ZFYVE27: variants seen among roughly 807,000 people sequenced by gnomAD.
ZFYVE27 encodes protrudin.
In ZFYVE27, 36 loss-of-function variants were observed where a neutral mutation model predicts 52.8. The observed-to-expected ratio is 0.68, with a 90% CI of 0.52 to 0.90. The LOEUF is 0.90. Among genes scored for constraint, ZFYVE27 ranks in the 40% least tolerant of loss-of-function variants. The pLI is 0.00. For missense variants in ZFYVE27, 450 were observed against 527.2 expected (o/e 0.85, Z 1.43); for synonymous variants, 223 against 215.6 (o/e 1.03, Z -0.30).
At position 97,738,503 on chromosome 10, in the gene ZFYVE27, G is replaced by A. The variant is rs763939833; in HGVS notation, c.26G>A (p.Ser9Asn). Residue 9 changes from serine to asparagine, a missense_variant, in exon 2 of 13, where the codon AGT becomes AAT. Physicochemically the swap from Ser to Asn is conservative, Grantham distance 46. Transcript: ENST00000684270. ...ATGCAGACATCAGAACGTGAGGGGA[G>A]TGGGCCGGAGCTGAGCCCCAGCGTG... is the stretch of plus-strand genomic sequence containing the variant. The part of the protein sequence containing the change: MQTSEREG[S>N]GPELSPSVMP... 2.5e-6 allele frequency: 4 copies of A among 1,614,172 alleles called. No individual in the cohort carries two copies. The highest frequency in any genetic ancestry group is 3.4e-6 in the Non-Finnish European group (4 of 1,180,044).
chr10:97,753,000 C>G, intron 9 of ZFYVE27, 38 bp from the exon 10 acceptor site: 1 of 1,612,924 alleles, frequency 6.2e-7, no homozygotes, highest in Non-Finnish European at 8.5e-7. Flanking sequence ...TGCAGCCTTG[C>G]AAGAGGTGGG....
chr10:97,751,839 C>T (rs1489392196), intron 8 of ZFYVE27, among the ~76,000 whole-genome samples: 2 of 152,092 alleles, frequency 1.3e-5, no homozygotes, highest in African/African-American at 2.4e-5. Flanking sequence ...TGTCCCTTTG[C>T]GGGGCTGGGA....
intron 12 of ZFYVE27, among the ~76,000 whole-genome samples, chr10:97,758,788 T>C (rs1214542614): frequency 1.3e-5 from 2 of 151,704 alleles, no homozygotes. Flanking sequence ...ATTTTACTTA[T>C]TCTGTTTTTT....
At chr10:97,745,021 TTAC>T in intron 4 of ZFYVE27, 106 bp downstream of exon 4, 2 of 1,303,438 alleles carry the variant, frequency 1.5e-6, no homozygotes, top group Non-Finnish European at 2.1e-6. Flanking sequence ...ACCACAGCTG[TTAC>T]TTCATTTAAC....
At chr10:97,748,237 C>G (rs1295295146) in intron 4 of ZFYVE27, 32 bp from the exon 5 acceptor site, 1 of 1,608,744 alleles carries the variant, frequency 6.2e-7, no homozygotes, top group Admixed American at 1.7e-5. Context: ...GGCTTCTGTC[C>G]TGCCCACTCA....
In ZFYVE27 at chr10:97,759,053, C is replaced by T. The variant is rs1981238; in HGVS notation, c.1172-183C>T. 0.64 allele frequency among the ~76,000 whole-genome samples: 96,877 copies of T among 151,952 alleles called. 32,912 individuals are homozygous for T. The highest frequency in any genetic ancestry group is 0.77 in the Non-Finnish European group (52,095 of 67,976). On this transcript the variant is annotated intron_variant, in intron 12 of 12. Transcript: ENST00000684270. Reference sequence around the variant, plus strand: ...GAGTGGCCTGCTGTTGGCATCATCACCCCCAGGATCCCCAGTTCCCATGGA... The same window carrying T: ...GAGTGGCCTGCTGTTGGCATCATCATCCCCAGGATCCCCAGTTCCCATGGA...
At chr10:97,755,314 G>T (rs2136317402) in intron 10 of ZFYVE27, among the ~76,000 whole-genome samples, 1 of 152,344 alleles carries the variant, frequency 6.6e-6, no homozygotes, top group Middle Eastern at 3.4e-3. Context: ...AGGGCGAGGG[G>T]AGCTGCTTTG....
rs2042745493 is a variant in ZFYVE27 at position 97,738,660 on chromosome 10, T to G, written c.183T>G (p.Val61=). 2 of 1,614,216 alleles carry G rather than the reference T, an allele frequency of 1.2e-6. No homozygotes were observed. Among genetic ancestry groups the G allele is most frequent in the Middle Eastern group, 3.3e-4 (2 of 6,062 alleles). Residue 61 remains valine, a synonymous_variant, in exon 2 of 13, where the codon GTT becomes GTG. Coordinates refer to ENST00000684270, the MANE Select transcript of ZFYVE27 (RefSeq NM_001385875.1). ...CCTTGAAGGATGCAGGTGATGGTGT[T>G]CGATACTTGCTCAGGTACAGACTTT... ...LEPLKDAGDG[V]RYLLRWQMPL... is the part of the protein sequence containing the mutation.
chr10:97,746,048 TATA>T (rs138508568), intron 4 of ZFYVE27, among the ~76,000 whole-genome samples: 57,231 of 109,986 alleles, frequency 0.52, 13,857 homozygotes, highest in Middle Eastern at 0.62. Context: ...TATATATATA[TATA>T]TTTTTTTTTT....
chr10:97,753,060 G>C lies in ZFYVE27; in HGVS notation c.920G>C (p.Cys307Ser). Residue 307 changes from cysteine (C) to serine (S), a missense_variant, in exon 10 of 13, where the codon TGC (cysteine) becomes TCC (serine). By Grantham distance (112) the Cys-to-Ser change is moderately radical. Coordinates refer to ENST00000684270, the MANE Select transcript of ZFYVE27 (RefSeq NM_001385875.1). Reference sequence around the variant, plus strand: ...CAGGAGGATGATGAGGGCGCCCCGTGCCCAGCAGAGGATGAGCTGGCCCTG... The same window carrying C: ...CAGGAGGATGATGAGGGCGCCCCGTCCCCAGCAGAGGATGAGCTGGCCCTG... ...VVLEDDEGAP[C>S]PAEDELALQD... 6.2e-7 allele frequency: 1 copy of C among 1,611,956 alleles called. No individual in the cohort carries two copies. Among genetic ancestry groups the C allele is most frequent in the Non-Finnish European group, 8.5e-7 (1 of 1,179,200 alleles).
chr10:97,743,228 G>T (rs1590014146), intron 3 of ZFYVE27, 64 bp downstream of exon 3: 3 of 1,563,614 alleles, frequency 1.9e-6, no homozygotes, highest in Non-Finnish European at 1.8e-6. Flanking sequence ...ACACCTGGAT[G>T]CAGCCCCACC....
intron 4 of ZFYVE27, among the ~76,000 whole-genome samples, chr10:97,745,953 C>T (rs1034283955): frequency 1.3e-5 from 2 of 151,134 alleles, no homozygotes; most frequent in African/African-American, 2.4e-5. Context: ...AGTCAGTTAT[C>T]TGGAGTGGGG....
chr10:97,745,018 C>T (rs2136052854), intron 4 of ZFYVE27, 103 bp downstream of exon 4: 1 of 1,334,750 alleles, frequency 7.5e-7, no homozygotes, highest in Non-Finnish European at 1.0e-6. Flanking sequence ...CAAACCACAG[C>T]TGTTACTTCA....
Position 97,760,104 on chromosome 10 carries a change from A to T in ZFYVE27, c.*804A>T, listed in dbSNP as rs960943485. On this transcript the variant is annotated 3_prime_UTR_variant, in exon 13 of 13. Transcript: ENST00000684270. Reference sequence around the variant, plus strand: ...AGGGCACTTGGATCACAACTTCTGCACCCTCTGTCCAGAGTCTAGGGCAGT... The same window carrying T: ...AGGGCACTTGGATCACAACTTCTGCTCCCTCTGTCCAGAGTCTAGGGCAGT... 6.5e-6 allele frequency: 1 copy of T among 153,056 alleles called. No homozygotes were observed. Among genetic ancestry groups the T allele is most frequent in the African/African-American group, 2.4e-5 (1 of 41,460 alleles). 9.5% of individuals were successfully genotyped at this position (153,056 alleles called of 1,614,324 possible). A position where few individuals can be genotyped will look rare whatever the true frequency, so the allele number is the denominator to read the frequency against.
chr10:97,757,832 T>G, intron 12 of ZFYVE27, 109 bp downstream of exon 12: 1 of 1,124,898 alleles, frequency 8.9e-7, no homozygotes, highest in Non-Finnish European at 1.3e-6. Flanking sequence ...GGGATTGTAG[T>G]CAGGCCTACG....
intron 10 of ZFYVE27, among the ~76,000 whole-genome samples, chr10:97,753,782 C>A (rs545400821): frequency 2.6e-5 from 4 of 152,308 alleles, no homozygotes; most frequent in Admixed American, 6.5e-5. Flanking sequence ...TTCCTAGGAT[C>A]CTGTCTTGGT....
chr10:97,759,212 C>T (rs773840712), intron 12 of ZFYVE27, 24 bp from the exon 13 acceptor site: 5 of 1,613,904 alleles, frequency 3.1e-6, no homozygotes, highest in Non-Finnish European at 3.4e-6. Context: ...GGAAATGTCT[C>T]ACCAAGTTCT....
At position 97,759,631 on chromosome 10, in the gene ZFYVE27, C is replaced by G. The variant is rs1395357032; in HGVS notation, c.*331C>G. The G allele has an allele frequency of 7.2e-6, 3 of 418,782 alleles. No homozygotes were observed. Among genetic ancestry groups the G allele is most frequent in the Non-Finnish European group, 1.4e-5 (3 of 222,122 alleles). 25.9% of individuals were successfully genotyped at this position (418,782 alleles called of 1,614,324 possible). A position where few individuals can be genotyped will look rare whatever the true frequency, so the allele number is the denominator to read the frequency against. On this transcript the variant is annotated 3_prime_UTR_variant, in exon 13 of 13. Coordinates refer to ENST00000684270, the MANE Select transcript of ZFYVE27 (RefSeq NM_001385875.1). ...GAGGGCAGCAGCGAACTAGGCCAGGCCTGACTGGGGTCTGAAGATCAGGGT... is the reference window on the plus strand; with the variant it reads ...GAGGGCAGCAGCGAACTAGGCCAGGGCTGACTGGGGTCTGAAGATCAGGGT...
rs368586141 is a variant in ZFYVE27 at position 97,744,801 on chromosome 10, G to A, written c.341G>A (p.Arg114Gln). 28 of 1,613,910 alleles carry A rather than the reference G, an allele frequency of 1.7e-5. No individual in the cohort carries two copies. Among genetic ancestry groups the A allele is most frequent in the Middle Eastern group, 1.7e-4 (1 of 5,962 alleles). Residue 114 changes from arginine (R) to glutamine (Q), a missense_variant, in exon 4 of 13, where the codon CGG becomes CAG. Physicochemically the swap from Arg to Gln is conservative, Grantham distance 43 (BLOSUM62 1). Transcript: ENST00000684270. ...CTGGGCTACCTTCAGGAGGTTTGCCGGGCACGGCTGCCTGATTCCGAGCTG... is the reference window on the plus strand; with the variant it reads ...CTGGGCTACCTTCAGGAGGTTTGCCAGGCACGGCTGCCTGATTCCGAGCTG... ...ALLGYLQEVC[R>Q]ARLPDSELMR...
Sources: gnomAD v4.1 joint callset for allele counts (sites outside exome capture counted in the v4.1 genomes callset) on GRCh38, gnomAD v4.1.1 for gene constraint, MANE v1.5 for transcripts, NCBI Gene and HGNC (gene_info 2026-07-23, HGNC 2026-07-21) for gene names.